EXOC5: variants seen among roughly 807,000 people sequenced by gnomAD.
EXOC5 encodes exocyst complex component 5, also known as SEC10-like 1.
A neutral mutation model predicts 90.8 loss-of-function variants in EXOC5; 17 were observed. The observed-to-expected ratio is 0.19, with a 90% CI of 0.13 to 0.28. The LOEUF is 0.28. Among genes scored for constraint, EXOC5 ranks in the 10% least tolerant of loss-of-function variants. EXOC5 has a pLI of 1.00. For synonymous variants in EXOC5, 260 were observed against 270.0 expected (o/e 0.96, Z 0.36); for missense variants, 569 against 830.6 (o/e 0.69, Z 3.87).
intron 1 of EXOC5, among the ~76,000 whole-genome samples, chr14:57,255,416 C>A (rs1259686252): frequency 6.6e-6 from 1 of 152,092 alleles, no homozygotes; most frequent in East Asian, 1.9e-4. Context: ...CATACCATAT[C>A]ACACCAAAGG....
intron 4 of EXOC5, among the ~76,000 whole-genome samples, chr14:57,241,094 T>C (rs1164536883): frequency 1.3e-5 from 2 of 152,156 alleles, no homozygotes; most frequent in Non-Finnish European, 2.9e-5. Flanking sequence ...CCTCAAGTGA[T>C]CTGCCCATCT....
At chr14:57,229,538 AT>A (rs1883413341) in intron 12 of EXOC5, among the ~76,000 whole-genome samples, 195 bp downstream of exon 12, 1 of 152,300 alleles carries the variant, frequency 6.6e-6, no homozygotes, top group African/African-American at 2.4e-5. Context: ...AATAATATAT[AT>A]AAATAATTAT....
At chr14:57,234,741 T>A (rs1385804260) in intron 7 of EXOC5, among the ~76,000 whole-genome samples, 1 of 151,654 alleles carries the variant, frequency 6.6e-6, no homozygotes, top group Non-Finnish European at 1.5e-5. Context: ...ATTTTTGTAT[T>A]TTCTGTAGAG....
chr14:57,222,419 TA>T lies in EXOC5; in HGVS notation c.1297-4del. On this transcript the variant is annotated splice_region_variant and splice_polypyrimidine_tract_variant and intron_variant, in intron 12 of 17. Transcript: ENST00000621441. ...GGTAAGTCAGAAGGATCAGAGAGCTTAAAAACAAAAATCAAACAATATCACT... is the reference window on the plus strand; with the variant it reads ...GGTAAGTCAGAAGGATCAGAGAGCTTAAAACAAAAATCAAACAATATCACT... 6.5e-7 allele frequency: 1 copy of T among 1,548,018 alleles called. No homozygotes were observed. The highest frequency in any genetic ancestry group is 1.2e-5 in the South Asian group (1 of 84,080).
intron 5 of EXOC5, among the ~76,000 whole-genome samples, chr14:57,238,371 T>TACAC (rs1226294016): frequency 2.0e-3 from 193 of 97,238 alleles, no homozygotes; most frequent in East Asian, 0.011. Flanking sequence ...TATATATATA[T>TACAC]ATATACACAC....
chr14:57,261,595 C>T (rs1884505280), intron 1 of EXOC5, among the ~76,000 whole-genome samples: 1 of 152,214 alleles, frequency 6.6e-6, no homozygotes, highest in African/African-American at 2.4e-5. Flanking sequence ...TGCCTAACAA[C>T]CACTCAAATA....
At chr14:57,240,915 T>C (rs565936377) in intron 4 of EXOC5, among the ~76,000 whole-genome samples, 8 of 151,972 alleles carry the variant, frequency 5.3e-5, no homozygotes, top group Admixed American at 2.6e-4. Context: ...TGCGGTGGCA[T>C]GATCTTGGCT....
At chr14:57,255,666 C>A (rs1488075857) in intron 1 of EXOC5, among the ~76,000 whole-genome samples, 3 of 152,022 alleles carry the variant, frequency 2.0e-5, no homozygotes, top group Admixed American at 2.0e-4. Flanking sequence ...AACCCTGTCT[C>A]TACTAAAATA....
chr14:57,229,311 A>G (rs184532281), intron 12 of EXOC5, among the ~76,000 whole-genome samples: 4 of 152,320 alleles, frequency 2.6e-5, no homozygotes, highest in African/African-American at 7.2e-5. Flanking sequence ...TAGTAAAACA[A>G]GGTAAGACTT....
chr14:57,263,283 C>A (rs1354766601), intron 1 of EXOC5, among the ~76,000 whole-genome samples: 4 of 152,132 alleles, frequency 2.6e-5, no homozygotes, highest in Admixed American at 2.6e-4. Flanking sequence ...CTAGCCTGGG[C>A]AATACAATGA....
At chr14:57,238,361 TATATATATATATATAC>T (rs1253194694) in intron 5 of EXOC5, among the ~76,000 whole-genome samples, 2 of 71,566 alleles carry the variant, frequency 2.8e-5, no homozygotes, top group African/African-American at 5.0e-5. Context: ...TATATATATA[TATATATATATATATAC>T]ACACACACAC....
chr14:57,260,239 T>G (rs542904368), intron 1 of EXOC5, among the ~76,000 whole-genome samples: 177 of 152,238 alleles, frequency 1.2e-3, no homozygotes, highest in African/African-American at 4.1e-3. Context: ...ACAAAATATT[T>G]TGTCTCAGGC....
intron 1 of EXOC5, among the ~76,000 whole-genome samples, chr14:57,262,692 T>C (rs564065950): frequency 6.8e-6 from 1 of 146,276 alleles, no homozygotes; most frequent in East Asian, 2.0e-4. Flanking sequence ...ATTAAGTATA[T>C]ATGTATATAT....
Position 57,206,097 on chromosome 14 carries a change from A to G in EXOC5, c.*2512T>C, listed in dbSNP as rs536122131. The G allele has an allele frequency of 2.1e-4, 87 of 415,012 alleles. No homozygotes were observed. The highest frequency in any genetic ancestry group is 1.5e-3 in the African/African-American group (75 of 48,396). 25.7% of individuals were successfully genotyped at this position (415,012 alleles called of 1,614,324 possible). A position where few individuals can be genotyped will look rare whatever the true frequency, so the allele number is the denominator to read the frequency against. ...AAACAATGCACAGTGTGTTAAGAGC[A>G]TATTTTCAACTTCATTCAATGCATT... On this transcript the variant is annotated 3_prime_UTR_variant, in exon 18 of 18. Coordinates refer to ENST00000621441, the MANE Select transcript of EXOC5 (RefSeq NM_006544.4).
intron 2 of EXOC5, among the ~76,000 whole-genome samples, chr14:57,247,131 T>G (rs909377240): frequency 5.9e-5 from 9 of 152,154 alleles, no homozygotes; most frequent in African/African-American, 1.9e-4. Context: ...CTATTGACTT[T>G]TTCGTGGATC....
chr14:57,213,871 G>T (rs1169867596), intron 15 of EXOC5, among the ~76,000 whole-genome samples: 1 of 151,962 alleles, frequency 6.6e-6, no homozygotes, highest in Non-Finnish European at 1.5e-5. Context: ...TCGGGAGGCT[G>T]AGGCAGGAGA....
chr14:57,259,817 C>T (rs1884448692), intron 1 of EXOC5, among the ~76,000 whole-genome samples: 1 of 152,170 alleles, frequency 6.6e-6, no homozygotes, highest in Admixed American at 6.5e-5. Context: ...AAATTGAAAG[C>T]AAGGGGATGC....
At chr14:57,260,181 TAATA>T (rs887743039) in intron 1 of EXOC5, among the ~76,000 whole-genome samples, 5 of 152,318 alleles carry the variant, frequency 3.3e-5, no homozygotes, top group East Asian at 1.9e-4. Context: ...TTCTGTATAT[TAATA>T]AATAAGTTAT....
intron 15 of EXOC5, among the ~76,000 whole-genome samples, chr14:57,216,284 A>AAT (rs1001234331): frequency 2.6e-5 from 4 of 151,978 alleles, no homozygotes; most frequent in African/African-American, 9.7e-5. Context: ...AAATAGAAAA[A>AAT]AAAAAAACAC....
Sources: gnomAD v4.1 joint callset for allele counts (sites outside exome capture counted in the v4.1 genomes callset) on GRCh38, gnomAD v4.1.1 for gene constraint, MANE v1.5 for transcripts, NCBI Gene and HGNC (gene_info 2026-07-23, HGNC 2026-07-21) for gene names.